CAPN14: variants seen among roughly 807,000 people sequenced by gnomAD.
The protein encoded by CAPN14 is calpain-14.
A neutral mutation model predicts 101.3 loss-of-function variants in CAPN14; 94 were observed. The observed-to-expected ratio is 0.93, with a 90% CI of 0.79 to 1.10. The LOEUF (loss-of-function observed/expected upper bound fraction) is 1.10. Among genes scored for constraint, CAPN14 ranks in the 50% least tolerant of loss-of-function variants. The pLI, the probability that CAPN14 is intolerant of heterozygous loss-of-function variation, is 0.00. For synonymous variants in CAPN14, 338 were observed against 317.9 expected (o/e 1.06, Z -0.67); for missense variants, 837 against 828.4 (o/e 1.01, Z -0.13).
chr2:31,216,495 C>T (rs1009278504), intron 1 of CAPN14, among the ~76,000 whole-genome samples: 1 of 152,118 alleles, frequency 6.6e-6, no homozygotes, highest in African/African-American at 2.4e-5. Flanking sequence ...GAGGAAGTCA[C>T]AGTCCAACGA....
In CAPN14 at chr2:31,177,148, T is replaced by C. The variant is rs1438848388; in HGVS notation, c.1856-6A>G. The C allele has an allele frequency of 2.6e-6, 4 of 1,546,914 alleles. No homozygotes were observed. In the East Asian group the frequency reaches 7.3e-5, roughly 28 times the overall value. ...GTCATCACTGAGCATGATTCCTGCA[T>C]TGAGCACAAGCTCCTGCTGTGGGTA... On this transcript the variant is annotated splice_polypyrimidine_tract_variant and splice_region_variant and intron_variant, in intron 19 of 21. Coordinates refer to ENST00000403897, the MANE Select transcript of CAPN14 (RefSeq NM_001145122.2).
intron 15 of CAPN14, among the ~76,000 whole-genome samples, chr2:31,187,532 G>T (rs770404114): frequency 6.6e-6 from 1 of 152,072 alleles, no homozygotes; most frequent in Non-Finnish European, 1.5e-5. Context: ...ATCAATGAGC[G>T]TCCAAGAACA....
chr2:31,196,943 A>G (rs558981517), intron 8 of CAPN14, among the ~76,000 whole-genome samples: 3 of 152,362 alleles, frequency 2.0e-5, no homozygotes, highest in African/African-American at 7.2e-5. Flanking sequence ...TAAAATGGGG[A>G]TAAAACTATC....
At chr2:31,179,574 G>A (rs1053928583) in intron 17 of CAPN14, among the ~76,000 whole-genome samples, 22 of 152,134 alleles carry the variant, frequency 1.4e-4, no homozygotes, top group African/African-American at 4.8e-4. Context: ...ATAATCCTTT[G>A]GGTATATACC....
intron 5 of CAPN14, 80 bp downstream of exon 5, chr2:31,201,782 C>T (rs1681794137): frequency 6.6e-7 from 1 of 1,506,100 alleles, no homozygotes; most frequent in East Asian, 2.5e-5. Flanking sequence ...TAAACTTTAC[C>T]TGACTCCACT....
intron 12 of CAPN14, among the ~76,000 whole-genome samples, chr2:31,190,345 A>C (rs895463166): frequency 9.9e-5 from 15 of 152,144 alleles, no homozygotes; most frequent in African/African-American, 3.1e-4. Flanking sequence ...CAAATTCCTC[A>C]ATGTTTGGGA....
At chr2:31,205,530 C>T in intron 1 of CAPN14, 31 bp from the exon 2 acceptor site, 1 of 1,129,584 alleles carries the variant, frequency 8.9e-7, no homozygotes, top group Non-Finnish European at 1.3e-6. Context: ...TCAGTTTCCT[C>T]ACTTCCTCCT....
Position 31,210,149 on chromosome 2 carries a change from A to G in CAPN14, c.-52-4650T>C, listed in dbSNP as rs370922353. Among the ~76,000 whole-genome samples, 61 of 152,332 alleles carry G rather than the reference A, an allele frequency of 4.0e-4. 1 individual carries two copies. The highest frequency in any genetic ancestry group is 1.4e-3 in the African/African-American group (59 of 41,576). On this transcript the variant is annotated intron_variant, in intron 1 of 21. Coordinates refer to ENST00000403897, the MANE Select transcript of CAPN14 (RefSeq NM_001145122.2). ...AATGAATACTGTATCTCTGCCATTGAAAGTTCAGTCAGGGCCAGGAGCGGT... is the reference window on the plus strand; with the variant it reads ...AATGAATACTGTATCTCTGCCATTGGAAGTTCAGTCAGGGCCAGGAGCGGT...
At chr2:31,200,683 T>A (rs1681711272) in intron 5 of CAPN14, 58 bp from the exon 6 acceptor site, 2 of 1,449,628 alleles carry the variant, frequency 1.4e-6, no homozygotes, top group Admixed American at 2.5e-5. Flanking sequence ...TTTATAATTT[T>A]ATGTGGCCTC....
intron 21 of CAPN14, among the ~76,000 whole-genome samples, chr2:31,175,600 T>C (rs575968710): frequency 4.8e-4 from 73 of 152,286 alleles, no homozygotes; most frequent in African/African-American, 1.7e-3. Context: ...TACTCAAGTG[T>C]GGGGCTAAGC....
chr2:31,177,619 T>C (rs942256792), intron 19 of CAPN14, 127 bp downstream of exon 19: 7 of 695,356 alleles, frequency 1.0e-5, no homozygotes, highest in Non-Finnish European at 1.5e-5. Context: ...TGACTGCAGA[T>C]CTACGTCTTT....
chr2:31,191,719 A>G (rs1211298834), intron 11 of CAPN14, among the ~76,000 whole-genome samples: 1 of 152,230 alleles, frequency 6.6e-6, no homozygotes, highest in Non-Finnish European at 1.5e-5. Flanking sequence ...CTTTTATTCT[A>G]CCCTTTGCCT....
chr2:31,217,063 G>A (rs775256910), intron 1 of CAPN14, among the ~76,000 whole-genome samples: 2 of 152,154 alleles, frequency 1.3e-5, no homozygotes, highest in Non-Finnish European at 2.9e-5. Flanking sequence ...CTCATCAGGA[G>A]GCTCAGGAGA....
intron 15 of CAPN14, 149 bp from the exon 16 acceptor site, chr2:31,186,634 C>A: frequency 1.8e-6 from 1 of 545,818 alleles, no homozygotes; most frequent in Non-Finnish European, 3.1e-6. Flanking sequence ...CCCAGAGAAC[C>A]CTGGCAGGGC....
chr2:31,177,054 G>C lies in CAPN14; in HGVS notation c.1944C>G (p.His648Gln). 6.4e-7 allele frequency: 1 copy of C among 1,551,518 alleles called. No homozygotes were observed. The highest frequency in any genetic ancestry group is 1.2e-5 in the South Asian group (1 of 84,026). Residue 648 changes from histidine to glutamine, a missense_variant, in exon 20 of 22, where the codon CAC (histidine) becomes CAG (glutamine). His to Gln is a conservative substitution (Grantham distance 24). Transcript: ENST00000403897. ...RLQMDFVSFI[H>Q]LMLRVENMED... ...CCATGTTCTCTACACGCAGCATCAA[G>C]TGGATGAAACTGACAAAGTCCATCT...
Position 31,179,148 on chromosome 2 carries a change from T to A in CAPN14, c.1711-569A>T, listed in dbSNP as rs115331899. 6.3e-3 allele frequency among the ~76,000 whole-genome samples: 952 copies of A among 149,972 alleles called. 8 individuals carry two copies. Among genetic ancestry groups the A allele is most frequent in the African/African-American group, 0.022 (882 of 40,934 alleles). ...TGCAGGTTTGTTACATAGGTATACATGCCATGTTGGTTTGCTGCACCCATT... is the reference window on the plus strand; with the variant it reads ...TGCAGGTTTGTTACATAGGTATACAAGCCATGTTGGTTTGCTGCACCCATT... On this transcript the variant is annotated intron_variant, in intron 17 of 21. Coordinates refer to ENST00000403897, the MANE Select transcript of CAPN14 (RefSeq NM_001145122.2).
Position 31,174,680 on chromosome 2 carries a change from C to G in CAPN14, c.*1G>C. ...GTGAGGGCAGGTGAGACTCAGCCTT[C>G]TCAGGAGTACAGTGCCATCATCATC... On this transcript the variant is annotated 3_prime_UTR_variant, in exon 22 of 22. Coordinates refer to ENST00000403897, the MANE Select transcript of CAPN14 (RefSeq NM_001145122.2). The G allele has an allele frequency of 6.4e-7, 1 of 1,551,584 alleles. No homozygotes were observed. The highest frequency in any genetic ancestry group is 2.4e-5 in the East Asian group (1 of 40,906).
At chr2:31,233,901 T>C (rs1031838658), upstream of CAPN14, 4 of 152,388 alleles carry the variant, frequency 2.6e-5, no homozygotes, top group African/African-American at 9.7e-5. Flanking sequence ...AGGGCGCTGT[T>C]CCCAAATCGA....
chr2:31,202,319 G>C (rs116175374), intron 3 of CAPN14, 67 bp from the exon 4 acceptor site: 1 of 1,223,452 alleles, frequency 8.2e-7, no homozygotes, highest in East Asian at 2.5e-5. Context: ...GAAAATGCCC[G>C]GTCCCAATGG....
Sources: allele counts gnomAD v4.1 joint callset (sites outside exome capture counted in the v4.1 genomes callset), GRCh38; gene constraint gnomAD v4.1.1; transcripts MANE v1.5; gene names NCBI Gene and HGNC (gene_info 2026-07-23, HGNC 2026-07-21).